The following ALG1L2 variants were observed in gnomAD, a reference collection of about 807,000 sequenced individuals.
ALG1L2 encodes the protein putative glycosyltransferase ALG1L2.
In ALG1L2, 32 loss-of-function variants were observed where a neutral mutation model predicts 29.0. The ratio of observed to expected loss-of-function variants is 1.10; its 90% confidence interval spans 0.83 to 1.48. The LOEUF is 1.48. Among genes scored for constraint, ALG1L2 ranks in the 40% most tolerant of loss-of-function variants. The pLI is 0.00. For synonymous variants in ALG1L2, 110 were observed against 109.5 expected, an observed-to-expected ratio of 1.00 and a Z score of -0.03; for missense variants, 318 against 274.1, an observed-to-expected ratio of 1.16 and a Z score of -1.13.
At position 130,091,315 on chromosome 3, in the gene ALG1L2, C is replaced by T. The variant is rs6803922; in HGVS notation, c.75C>T (p.Asp25=). The change falls in exon 2 of 8, where the codon GAC becomes GAT. Residue 25 remains aspartate, a synonymous_variant. Coordinates refer to ENST00000425059, the MANE Select transcript of ALG1L2 (RefSeq NM_001136152.1). ...CTTTCTTTAAAGAGGCACCTCTGGA[C>T]CTGCAGCACCGGCTCTTCATGAAGC... ...PASFFKEAPL[D]LQHRLFMKLG... The T allele has an allele frequency of 0.27, 425,786 of 1,597,490 alleles. 59,679 individuals carry two copies. The highest frequency in any genetic ancestry group is 0.3 in the Middle Eastern group (1,347 of 4,428).
chr3:130,091,771 A>G, intron 2 of ALG1L2: 1 of 602,460 alleles, frequency 1.7e-6, no homozygotes, highest in Admixed American at 2.2e-5. Flanking sequence ...GTGCAGGTCC[A>G]CATACCCTGA....
At chr3:130,094,127 G>T in intron 4 of ALG1L2, 1 of 476,000 alleles carries the variant, frequency 2.1e-6, no homozygotes, top group Non-Finnish European at 3.9e-6. Context: ...GTGGGTGGTC[G>T]CGTGCCAGGC....
intron 1 of ALG1L2, 32 bp downstream of exon 1, chr3:130,082,068 A>G (rs1289795238): frequency 4.7e-6 from 7 of 1,493,796 alleles, no homozygotes; most frequent in Non-Finnish European, 2.7e-6. Context: ...GTTGGATTGC[A>G]ATGCAGAGAA....
At position 130,092,354 on chromosome 3, in the gene ALG1L2, C is replaced by T; in HGVS notation, c.253+132C>T. ...CAGTGAGAAGGGGAGGGCGTGTGAG[C>T]TGGAAGAGTGGTGTCTAGAAACAGG... On this transcript the variant is annotated intron_variant, in intron 3 of 7. Coordinates refer to ENST00000425059, the MANE Select transcript of ALG1L2 (RefSeq NM_001136152.1). 4 of 1,598,850 alleles carry T rather than the reference C, an allele frequency of 2.5e-6. No individual in the cohort carries two copies. The South Asian group carries it at 4.4e-5, about 18-fold the overall frequency.
At chr3:130,088,743 GC>G (rs1399620892) in intron 1 of ALG1L2, among the ~76,000 whole-genome samples, 14 of 145,672 alleles carry the variant, frequency 9.6e-5, no homozygotes, top group African/African-American at 3.2e-4. Flanking sequence ...ATAAAGGGGA[GC>G]TCCCCTGCAC....
chr3:130,097,540 C>T (rs1344624513), intron 7 of ALG1L2, among the ~76,000 whole-genome samples: 2 of 152,210 alleles, frequency 1.3e-5, no homozygotes, highest in African/African-American at 2.4e-5. Context: ...AGGAAGTGAT[C>T]AGGATCAGGT....
intron 4 of ALG1L2, 78 bp from the exon 5 acceptor site, chr3:130,094,325 G>C (rs564038299): frequency 6.7e-5 from 102 of 1,524,988 alleles, no homozygotes; most frequent in South Asian, 8.9e-5. Context: ...TCCCTCCTAG[G>C]GGGGAGTGTC....
chr3:130,085,989 G>A (rs1238217763), intron 1 of ALG1L2, among the ~76,000 whole-genome samples: 1 of 151,412 alleles, frequency 6.6e-6, no homozygotes, highest in East Asian at 1.9e-4. Flanking sequence ...ACTGATGGCA[G>A]TGAGGCAGAC....
At chr3:130,097,053 A>G (rs1935154368) in intron 6 of ALG1L2, 122 bp from the exon 7 acceptor site, 5 of 1,495,442 alleles carry the variant, frequency 3.3e-6, no homozygotes, top group Non-Finnish European at 1.8e-6. Flanking sequence ...CCCAGAAGCC[A>G]CACACCCTGT....
At chr3:130,097,041 C>T (rs1935154028) in intron 6 of ALG1L2, 134 bp from the exon 7 acceptor site, 1 of 1,463,578 alleles carries the variant, frequency 6.8e-7, no homozygotes, top group Non-Finnish European at 9.0e-7. Flanking sequence ...TAAGAACCAC[C>T]TCCCAGAAGC....
Position 130,091,303 on chromosome 3 carries a change from G to T in ALG1L2, c.63G>T (p.Glu21Asp). The T allele has an allele frequency of 6.3e-7, 1 of 1,599,112 alleles. No homozygotes were observed. Among genetic ancestry groups the T allele is most frequent in the Non-Finnish European group, 8.5e-7 (1 of 1,179,760 alleles). Residue 21 changes from glutamate to aspartate, a missense_variant, in exon 2 of 8, where the codon GAG (glutamate) becomes GAT (aspartate). Transcript: ENST00000425059. ...VYDKPASFFKEAPLDLQHRLF... is the reference protein window; with the variant it reads ...VYDKPASFFKDAPLDLQHRLF... ...ACAAGCCGGCATCTTTCTTTAAAGA[G>T]GCACCTCTGGACCTGCAGCACCGGC... is the stretch of plus-strand genomic sequence containing the variant.
intron 3 of ALG1L2, among the ~76,000 whole-genome samples, 178 bp downstream of exon 3, chr3:130,092,400 T>C (rs1462007359): frequency 6.6e-6 from 1 of 152,212 alleles, no homozygotes; most frequent in Non-Finnish European, 1.5e-5. Flanking sequence ...TCAATTCTTC[T>C]CATAGAGGAC....
At chr3:130,096,603 T>A (rs1322585486) in intron 6 of ALG1L2, among the ~76,000 whole-genome samples, 11 of 152,186 alleles carry the variant, frequency 7.2e-5, no homozygotes, top group South Asian at 2.1e-4. Flanking sequence ...TTGAATCAGT[T>A]AAATGAGTGT....
rs148442372 is a variant in ALG1L2 at position 130,096,116 on chromosome 3, G to A, written c.492G>A (p.Val164=). The A allele has an allele frequency of 1.8e-3, 2,822 of 1,611,986 alleles. 39 individuals carry two copies. In the African/African-American group the frequency reaches 0.033, roughly 19 times the overall value. Reference sequence around the variant, plus strand: ...GCCTGGACCTGCCCATGAAGGTGGTGGACATGTTCAGGTGCTGTTTGCCTG... The same window carrying A: ...GCCTGGACCTGCCCATGAAGGTGGTAGACATGTTCAGGTGCTGTTTGCCTG... ...SSGLDLPMKV[V]DMFRCCLPAC... is the part of the protein sequence containing the mutation. Residue 164 remains valine, a synonymous_variant, in exon 6 of 8, where the codon GTG becomes GTA. Transcript: ENST00000425059.
In ALG1L2 at chr3:130,097,212, G is replaced by A. The variant is rs1193519134; in HGVS notation, c.577G>A (p.Val193Ile). The A allele has an allele frequency of 6.2e-7, 1 of 1,611,656 alleles. No individual in the cohort carries two copies. Residue 193 changes from valine (V) to isoleucine (I), a missense_variant, in exon 7 of 8, where the codon GTC becomes ATC. Physicochemically the swap from Val to Ile is conservative, Grantham distance 29. Transcript: ENST00000425059. The stretch of plus-strand genomic sequence containing the variant: ...GGTGAAACATGAAGAAAACCGCCTG[G>A]TCTTTGAGGACTCAGAGGAACTGGC... ...ELVKHEENRLVFEDSEELAAQ... is the reference protein window; with the variant it reads ...ELVKHEENRLIFEDSEELAAQ...
chr3:130,091,120 TC>T, intron 1 of ALG1L2, 140 bp from the exon 2 acceptor site: 1 of 784,078 alleles, frequency 1.3e-6, no homozygotes, highest in Non-Finnish European at 2.0e-6. Flanking sequence ...AGGGGAAATT[TC>T]TGGAAACCAG....
At chr3:130,083,320 T>C (rs1263140569) in intron 1 of ALG1L2, among the ~76,000 whole-genome samples, 58 of 130,118 alleles carry the variant, frequency 4.5e-4, no homozygotes, top group African/African-American at 1.4e-3. Context: ...GGCAGGCTCC[T>C]GTAATCCCAG....
Position 130,089,054 on chromosome 3 carries a change from G to A in ALG1L2, c.21-2207G>A, listed in dbSNP as rs561459315. Among the ~76,000 whole-genome samples the A allele has an allele frequency of 2.6e-5, 4 of 152,064 alleles. No individual in the cohort carries two copies. The South Asian group carries it at 8.3e-4, about 32-fold the overall frequency. Reference sequence around the variant, plus strand: ...GGCTAGCCAACTTCTGGTATTGCTGGTGGGTCCTGTCATTGTGTGGGTGAC... The same window carrying A: ...GGCTAGCCAACTTCTGGTATTGCTGATGGGTCCTGTCATTGTGTGGGTGAC... On this transcript the variant is annotated intron_variant, in intron 1 of 7. Coordinates refer to ENST00000425059, the MANE Select transcript of ALG1L2 (RefSeq NM_001136152.1).
rs1461209544 is a variant in ALG1L2, at chr3:130,083,502, C to G, written c.20+1466C>G. Among the ~76,000 whole-genome samples, 8 of 130,002 alleles carry G rather than the reference C, an allele frequency of 6.2e-5. 3 individuals are homozygous for G. Among genetic ancestry groups the G allele is most frequent in the Non-Finnish European group, 1.4e-4 (8 of 56,190 alleles). 85.3% of individuals were successfully genotyped at this position (130,002 alleles called of 152,430 possible). On this transcript the variant is annotated intron_variant, in intron 1 of 7. Coordinates refer to ENST00000425059, the MANE Select transcript of ALG1L2 (RefSeq NM_001136152.1). ...CAGATGAATTAGTTTCCTGCAACGT[C>G]TCACTGTTTCTGTGAGGCAAAAAAA...
Sources: gnomAD v4.1 joint callset for allele counts (sites outside exome capture counted in the v4.1 genomes callset) on GRCh38, gnomAD v4.1.1 for gene constraint, MANE v1.5 for transcripts, NCBI Gene and HGNC (gene_info 2026-07-23, HGNC 2026-07-21) for gene names.